The following CNTNAP4 variants were observed in gnomAD, a reference collection of about 807,000 sequenced individuals.
CNTNAP4 encodes contactin associated protein family member 4, also known as contactin-associated protein-like 4.
Under a neutral mutation model 148.4 loss-of-function variants are expected in CNTNAP4, and 98 were observed. The ratio of observed to expected loss-of-function variants is 0.66; its 90% CI spans 0.56 to 0.78. The LOEUF (loss-of-function observed/expected upper bound fraction) is 0.78, where lower values mean the gene tolerates loss of function less well. Among genes scored for constraint, CNTNAP4 ranks in the 30% least tolerant of loss-of-function variants. The probability of loss-of-function intolerance (pLI) is 0.00; values close to 1 mark genes in which losing one functional copy is unlikely to be tolerated. For synonymous variants in CNTNAP4, 730 were observed against 565.1 expected, an observed-to-expected ratio of 1.29 and a Z score of -4.14; for missense variants, 1,935 against 1,565.6, an observed-to-expected ratio of 1.24 and a Z score of -3.98.
At chr16:76,471,818 T>C (rs1394632560) in intron 10 of CNTNAP4, among the ~76,000 whole-genome samples, 1 of 152,182 alleles carries the variant, frequency 6.6e-6, no homozygotes, top group Non-Finnish European at 1.5e-5. Flanking sequence ...TTCTTGTCAA[T>C]ATCAAAGTTT....
At chr16:76,499,556 T>C (rs534323611) in intron 15 of CNTNAP4, among the ~76,000 whole-genome samples, 2 of 152,088 alleles carry the variant, frequency 1.3e-5, no homozygotes, top group African/African-American at 4.8e-5. Context: ...TATTTATTTA[T>C]TTATTTATTT....
chr16:76,511,888 C>G (rs531666977), intron 15 of CNTNAP4, among the ~76,000 whole-genome samples: 1 of 149,992 alleles, frequency 6.7e-6, no homozygotes, highest in African/African-American at 2.4e-5. Flanking sequence ...ATATGTGGTA[C>G]AGTAGAAGCT....
At chr16:76,397,170 G>A (rs1876275) in intron 3 of CNTNAP4, among the ~76,000 whole-genome samples, 75,654 of 151,492 alleles carry the variant, frequency 0.5, 20,079 homozygotes, top group African/African-American at 0.68. Context: ...GCTTTATGTC[G>A]TAGGTGATAC....
chr16:76,303,884 A>G (rs1007051654), intron 1 of CNTNAP4, among the ~76,000 whole-genome samples: 6 of 152,104 alleles, frequency 3.9e-5, no homozygotes, highest in Non-Finnish European at 5.9e-5. Flanking sequence ...AGAGGGAAGG[A>G]TAGCCATGTG....
intron 1 of CNTNAP4, among the ~76,000 whole-genome samples, chr16:76,286,776 T>C (rs1401286010): frequency 6.6e-6 from 1 of 152,166 alleles, no homozygotes; most frequent in African/African-American, 2.4e-5. Flanking sequence ...AGAATTTATG[T>C]CCAAGGCAGA....
chr16:76,558,723 T>C lies in CNTNAP4; in HGVS notation c.*40T>C, dbSNP rs1383254935. ...TTAACATAAAATTATGATAGTTTGT[T>C]TTAATAGCCAGGGGTTCTCAATGGA... On this transcript the variant is annotated 3_prime_UTR_variant, in exon 24 of 24. Transcript: ENST00000611870. 1 of 1,487,248 alleles carries C rather than the reference T, an allele frequency of 6.7e-7. No homozygotes were observed. The highest frequency in any genetic ancestry group is 9.2e-7 in the Non-Finnish European group (1 of 1,089,222). The allele number at this position is 1,487,248 out of a possible 1,614,324, so 92.1% of individuals were successfully genotyped here.
At chr16:76,368,365 T>G (rs540056473) in intron 3 of CNTNAP4, among the ~76,000 whole-genome samples, 10 of 152,190 alleles carry the variant, frequency 6.6e-5, no homozygotes, top group African/African-American at 9.7e-5. Context: ...ACTATAAAGA[T>G]ACATGCACAC....
chr16:76,293,054 AC>A (rs1228775622), intron 1 of CNTNAP4, among the ~76,000 whole-genome samples: 1 of 152,102 alleles, frequency 6.6e-6, no homozygotes, highest in Non-Finnish European at 1.5e-5. Flanking sequence ...TAGACTGTTA[AC>A]CCCTATACAC....
intron 3 of CNTNAP4, among the ~76,000 whole-genome samples, chr16:76,413,543 TTA>T (rs2078873139): frequency 7.1e-6 from 1 of 140,870 alleles, no homozygotes; most frequent in South Asian, 2.3e-4. Flanking sequence ...TTCTATAACA[TTA>T]TAAGACTTAA....
intron 1 of CNTNAP4, among the ~76,000 whole-genome samples, chr16:76,282,793 A>G (rs1453596592): frequency 6.6e-6 from 1 of 151,894 alleles, no homozygotes; most frequent in Non-Finnish European, 1.5e-5. Flanking sequence ...TATTTACGCT[A>G]TACTTTTTCC....
chr16:76,483,067 A>T (rs2081895812), intron 12 of CNTNAP4, among the ~76,000 whole-genome samples: 1 of 152,118 alleles, frequency 6.6e-6, no homozygotes. Flanking sequence ...GATAGGTTGG[A>T]TTGTGAGTGA....
intron 2 of CNTNAP4, among the ~76,000 whole-genome samples, chr16:76,354,670 C>T (rs1340907926): frequency 2.0e-5 from 3 of 152,166 alleles, no homozygotes; most frequent in African/African-American, 4.8e-5. Context: ...ATGATTGTCT[C>T]TCACAAACTG....
chr16:76,510,432 G>A (rs2082967101), intron 15 of CNTNAP4, among the ~76,000 whole-genome samples: 1 of 150,076 alleles, frequency 6.7e-6, no homozygotes, highest in South Asian at 2.1e-4. Context: ...CCACTTTTTG[G>A]ATATTATGAT....
chr16:76,406,687 G>A (rs577796680), intron 3 of CNTNAP4, among the ~76,000 whole-genome samples: 2 of 152,280 alleles, frequency 1.3e-5, no homozygotes, highest in East Asian at 3.9e-4. Context: ...TAGTGGTCTG[G>A]ATAGAAGATC....
chr16:76,469,587 C>T (rs962290920), intron 10 of CNTNAP4: 3 of 152,222 alleles, frequency 2.0e-5, no homozygotes, highest in African/African-American at 7.2e-5. Context: ...TACCCTTCGT[C>T]CTGTGTGGAC....
intron 3 of CNTNAP4, among the ~76,000 whole-genome samples, chr16:76,376,515 A>G (rs2015432606): frequency 2.0e-5 from 3 of 152,198 alleles, no homozygotes; most frequent in African/African-American, 7.2e-5. Flanking sequence ...TTCATATGCA[A>G]AGAGATCGTA....
intron 8 of CNTNAP4, among the ~76,000 whole-genome samples, chr16:76,459,845 G>C (rs1392864519): frequency 6.6e-6 from 1 of 152,160 alleles, no homozygotes; most frequent in East Asian, 1.9e-4. Flanking sequence ...TAGCTACACA[G>C]CTCCTTGTAG....
chr16:76,520,658 C>G (rs2083419103), intron 15 of CNTNAP4, among the ~76,000 whole-genome samples: 1 of 151,882 alleles, frequency 6.6e-6, no homozygotes, highest in Non-Finnish European at 1.5e-5. Context: ...ATCACAAGGC[C>G]CATTAAAGAA....
intron 15 of CNTNAP4, among the ~76,000 whole-genome samples, chr16:76,501,628 G>A (rs977809866): frequency 2.0e-5 from 3 of 152,110 alleles, no homozygotes; most frequent in African/African-American, 7.2e-5. Context: ...GAGAGGTCAG[G>A]TTTGCTGCTA....
Sources: allele counts gnomAD v4.1 joint callset (sites outside exome capture counted in the v4.1 genomes callset), GRCh38; gene constraint gnomAD v4.1.1; transcripts MANE v1.5; gene names NCBI Gene and HGNC (gene_info 2026-07-23, HGNC 2026-07-21).